The following DAZAP1 variants were observed in gnomAD, a reference collection of about 807,000 sequenced individuals.
DAZAP1 encodes the protein DAZ-associated protein 1.
In DAZAP1, 6 loss-of-function variants were observed where a neutral mutation model predicts 60.1. The observed-to-expected ratio is 0.10, with a 90% CI of 0.05 to 0.20. The LOEUF (loss-of-function observed/expected upper bound fraction) is 0.20. Among genes scored for constraint, DAZAP1 ranks in the 10% least tolerant of loss-of-function variants. The pLI is 1.00. For synonymous variants in DAZAP1, 235 were observed against 215.9 expected, an observed-to-expected ratio of 1.09 and a Z score of -0.78; for missense variants, 366 against 560.4, an observed-to-expected ratio of 0.65 and a Z score of 3.50.
chr19:1,413,660 C>T lies in DAZAP1; in HGVS notation c.30-3840C>T, dbSNP rs545179445. On this transcript the variant is annotated intron_variant, in intron 1 of 11. Transcript: ENST00000233078. Reference sequence around the variant, plus strand: ...TCAACAGAAACACACAGTGTGGCCGCGCGCGGTGCCTCACGCCTGTCATCC... The same window carrying T: ...TCAACAGAAACACACAGTGTGGCCGTGCGCGGTGCCTCACGCCTGTCATCC... Among the ~76,000 whole-genome samples, 7 of 152,294 alleles carry T rather than the reference C, an allele frequency of 4.6e-5. No homozygotes were observed. In the East Asian group the frequency reaches 9.7e-4, roughly 21 times the overall value.
At chr19:1,430,865 C>T (rs918362001) in intron 10 of DAZAP1, among the ~76,000 whole-genome samples, 3 of 151,512 alleles carry the variant, frequency 2.0e-5, no homozygotes, top group African/African-American at 4.9e-5. Context: ...GGACTACAGG[C>T]GCTCGCCACC....
chr19:1,424,738 G>A (rs1171166802), intron 6 of DAZAP1, among the ~76,000 whole-genome samples: 2 of 152,250 alleles, frequency 1.3e-5, no homozygotes, highest in Non-Finnish European at 1.5e-5. Flanking sequence ...CCTCTGGCGC[G>A]GGCAGCCCAT....
At position 1,418,460 on chromosome 19, in the gene DAZAP1, C is replaced by T. The variant is rs1005577265; in HGVS notation, c.237+90C>T. On this transcript the variant is annotated intron_variant, in intron 3 of 11. Transcript: ENST00000233078. This position sits in a 1 kb window ranked among gnomAD's most constrained non-coding sequence, Gnocchi z 5.7. ...TTTCCTGGACTCTGACCGATGTTTG[C>T]GTTAGAGTATGTTTGAACGTGGGGT... The T allele has an allele frequency of 8.6e-5, 130 of 1,517,618 alleles. No individual in the cohort carries two copies. The highest frequency in any genetic ancestry group is 1.8e-4 in the East Asian group (8 of 44,186). 94.0% of individuals were successfully genotyped at this position (1,517,618 alleles called of 1,614,324 possible).
rs1193872176 is a variant in DAZAP1 at position 1,432,808 on chromosome 19, G to A, written c.1048+118G>A. 3 of 1,189,636 alleles carry A rather than the reference G, an allele frequency of 2.5e-6. No individual in the cohort carries two copies. Among genetic ancestry groups the A allele is most frequent in the Non-Finnish European group, 3.5e-6 (3 of 849,968 alleles). 73.7% of individuals were successfully genotyped at this position (1,189,636 alleles called of 1,614,324 possible). ...CCAGCCTTTACCTGGTGGGAAAGGG[G>A]AGAGGGAGGAGAGGGGGGTGTGGGG... On this transcript the variant is annotated intron_variant, in intron 11 of 11. Transcript: ENST00000233078. The surrounding 1 kb of genome is among the most constrained non-coding windows in gnomAD (Gnocchi z 4.9).
chr19:1,409,945 C>G (rs2082778123), intron 1 of DAZAP1: 1 of 152,490 alleles, frequency 6.6e-6, no homozygotes, highest in South Asian at 2.1e-4. Context: ...TCCCGCCGGA[C>G]CCCGCTTGGA....
intron 1 of DAZAP1, among the ~76,000 whole-genome samples, chr19:1,412,020 T>C (rs1477819333): frequency 3.3e-5 from 5 of 152,208 alleles, no homozygotes; most frequent in African/African-American, 1.2e-4. Context: ...GCTTCCAGCT[T>C]GGCTCCAGGC....
At position 1,425,534 on chromosome 19, in the gene DAZAP1, C is replaced by T. The variant is rs1018617001; in HGVS notation, c.464-344C>T. Among the ~76,000 whole-genome samples the T allele has an allele frequency of 6.6e-6, 1 of 152,230 alleles. No homozygotes were observed. Among genetic ancestry groups the T allele is most frequent in the African/African-American group, 2.4e-5 (1 of 41,456 alleles). ...TTGTCTGCCAGTAGCGATGGAGGCC[C>T]TCACCGTTCCCCTGTCTCCGCTGCT... On this transcript the variant is annotated intron_variant, in intron 6 of 11. Transcript: ENST00000233078. This position sits in a 1 kb window ranked among gnomAD's most constrained non-coding sequence, Gnocchi z 5.4.
chr19:1,421,860 G>A (rs2083166043), intron 5 of DAZAP1, among the ~76,000 whole-genome samples: 1 of 152,240 alleles, frequency 6.6e-6, no homozygotes, highest in Admixed American at 6.5e-5. Context: ...GGTGCCACGG[G>A]CCTGGGCCAG....
rs1452609196 is a variant in DAZAP1 at position 1,426,276 on chromosome 19, G to A, written c.546+316G>A. On this transcript the variant is annotated intron_variant, in intron 7 of 11. Transcript: ENST00000233078. The surrounding 1 kb of genome is among the most constrained non-coding windows in gnomAD (Gnocchi z 5.4). Reference sequence around the variant, plus strand: ...GGGCTGGCTCCAGTGAAACCGCAGCGTTGCCTCAGGCTTGGTTTCCACGAC... The same window carrying A: ...GGGCTGGCTCCAGTGAAACCGCAGCATTGCCTCAGGCTTGGTTTCCACGAC... The A allele has an allele frequency of 5.2e-5, 19 of 368,826 alleles. No individual in the cohort carries two copies. Among genetic ancestry groups the A allele is most frequent in the Non-Finnish European group, 8.2e-5 (16 of 194,858 alleles). 22.8% of individuals were successfully genotyped at this position (368,826 alleles called of 1,614,324 possible).
intron 6 of DAZAP1, among the ~76,000 whole-genome samples, chr19:1,424,366 T>TC (rs2083252191): frequency 3.1e-5 from 1 of 32,310 alleles, no homozygotes; most frequent in Admixed American, 3.9e-4. Flanking sequence ...CCCTCCCCCC[T>TC]CCCCCTCCGT....
chr19:1,434,030 C>T lies in DAZAP1; in HGVS notation c.1049-707C>T. ...GCCCACGCCCACCTGTGCCCACGTGCACCCGAATGGGAACCCAGAGGTCGT... is the reference window on the plus strand; with the variant it reads ...GCCCACGCCCACCTGTGCCCACGTGTACCCGAATGGGAACCCAGAGGTCGT... On this transcript the variant is annotated intron_variant, in intron 11 of 11. Transcript: ENST00000233078. This position sits in a 1 kb window ranked among gnomAD's most constrained non-coding sequence, Gnocchi z 8.0. 1 of 591,220 alleles carries T rather than the reference C, an allele frequency of 1.7e-6. No individual in the cohort carries two copies. Among genetic ancestry groups the T allele is most frequent in the Non-Finnish European group, 3.0e-6 (1 of 332,752 alleles). 36.6% of individuals were successfully genotyped at this position (591,220 alleles called of 1,614,324 possible). A position where few individuals can be genotyped will look rare whatever the true frequency, so the allele number is the denominator to read the frequency against.
rs265280 is a variant in DAZAP1 at position 1,429,548 on chromosome 19, G to A, written c.701-419G>A. On this transcript the variant is annotated intron_variant, in intron 8 of 11. Transcript: ENST00000233078. Reference sequence around the variant, plus strand: ...TCAGGGTTCCAGATGTACGTCGTCCGGGTCCCGAGACTGTGGCTTCCCTGC... The same window carrying A: ...TCAGGGTTCCAGATGTACGTCGTCCAGGTCCCGAGACTGTGGCTTCCCTGC... Among the ~76,000 whole-genome samples the A allele has an allele frequency of 1.8e-3, 272 of 152,332 alleles. 2 individuals carry two copies. The highest frequency in any genetic ancestry group is 6.0e-3 in the African/African-American group (250 of 41,574).
rs1315877724 is a variant in DAZAP1, at chr19:1,407,590, G to A, written c.-184G>A. On this transcript the variant is annotated 5_prime_UTR_variant, in exon 1 of 12. Coordinates refer to ENST00000233078, the MANE Select transcript of DAZAP1 (RefSeq NM_018959.4). ...GCGGCGCGGCGGCGCGGGGACGCGC[G>A]GTGACCGTTGGCGCCGAGGGGAGGA... 3 of 308,978 alleles carry A rather than the reference G, an allele frequency of 9.7e-6. No individual in the cohort carries two copies. The East Asian group carries it at 5.0e-4, about 52-fold the overall frequency. 19.1% of individuals were successfully genotyped at this position (308,978 alleles called of 1,614,324 possible).
At chr19:1,410,498 C>G (rs1214098027) in intron 1 of DAZAP1, among the ~76,000 whole-genome samples, 1 of 152,208 alleles carries the variant, frequency 6.6e-6, no homozygotes, top group Admixed American at 6.5e-5. Flanking sequence ...CACGCGCGAT[C>G]AGGAAGGCCC....
chr19:1,434,645 A>C lies in DAZAP1; in HGVS notation c.1049-92A>C. 1 of 1,403,994 alleles carries C rather than the reference A, an allele frequency of 7.1e-7. No individual in the cohort carries two copies. The highest frequency in any genetic ancestry group is 9.9e-7 in the Non-Finnish European group (1 of 1,012,776). 87.0% of individuals were successfully genotyped at this position (1,403,994 alleles called of 1,614,324 possible). On this transcript the variant is annotated intron_variant, in intron 11 of 11. Transcript: ENST00000233078. This position sits in a 1 kb window ranked among gnomAD's most constrained non-coding sequence, Gnocchi z 8.0. ...CCCGTGGGACCCGTGGACTCAAGGC[A>C]GGCTCGGCGGAGCTGTGTCCAGGTG...
rs1357577986 is a variant in DAZAP1 at position 1,425,789 on chromosome 19, G to A, written c.464-89G>A. 31 of 954,056 alleles carry A rather than the reference G, an allele frequency of 3.2e-5. 1 individual carries two copies. Among genetic ancestry groups the A allele is most frequent in the Non-Finnish European group, 3.3e-5 (19 of 581,704 alleles). 59.1% of individuals were successfully genotyped at this position (954,056 alleles called of 1,614,324 possible). On this transcript the variant is annotated intron_variant, in intron 6 of 11. Coordinates refer to ENST00000233078, the MANE Select transcript of DAZAP1 (RefSeq NM_018959.4). This position sits in a 1 kb window ranked among gnomAD's most constrained non-coding sequence, Gnocchi z 5.4. The stretch of plus-strand genomic sequence containing the variant: ...CACAGCTTAGCTGAAACCCAAGGTC[G>A]ATCCCTCGGCCCGTCCCTAATACTG...
chr19:1,417,130 G>T, intron 1 of DAZAP1: 4 of 259,982 alleles, frequency 1.5e-5, no homozygotes, highest in Non-Finnish European at 1.5e-5. Context: ...TCTTTTTCCT[G>T]ATTATAAAAT....
At position 1,432,891 on chromosome 19, in the gene DAZAP1, G is replaced by C; in HGVS notation, c.1048+201G>C. The C allele has an allele frequency of 3.3e-6, 2 of 601,488 alleles. No homozygotes were observed. The highest frequency in any genetic ancestry group is 5.8e-6 in the Non-Finnish European group (2 of 345,190). 37.3% of individuals were successfully genotyped at this position (601,488 alleles called of 1,614,324 possible). ...CAGCAGAAGGGAGCGTGGGAGTCTT[G>C]TCGCAGCAGAGCACTCGTCATACAG... On this transcript the variant is annotated intron_variant, in intron 11 of 11. Coordinates refer to ENST00000233078, the MANE Select transcript of DAZAP1 (RefSeq NM_018959.4). The surrounding 1 kb of genome is among the most constrained non-coding windows in gnomAD (Gnocchi z 4.9).
In DAZAP1 at chr19:1,418,436, T is replaced by C. The variant is rs535025623; in HGVS notation, c.237+66T>C. On this transcript the variant is annotated intron_variant, in intron 3 of 11. Coordinates refer to ENST00000233078, the MANE Select transcript of DAZAP1 (RefSeq NM_018959.4). This position sits in a 1 kb window ranked among gnomAD's most constrained non-coding sequence, Gnocchi z 5.7. ...CCCTGTCCTTCCTCTGCTTCATTTTTTCCTGGACTCTGACCGATGTTTGCG... is the reference window on the plus strand; with the variant it reads ...CCCTGTCCTTCCTCTGCTTCATTTTCTCCTGGACTCTGACCGATGTTTGCG... 8.2e-6 allele frequency: 13 copies of C among 1,579,098 alleles called. No individual in the cohort carries two copies. Among genetic ancestry groups the C allele is most frequent in the African/African-American group, 1.3e-5 (1 of 74,204 alleles).
Sources: gnomAD v4.1 joint callset for allele counts (sites outside exome capture counted in the v4.1 genomes callset) on GRCh38, gnomAD v4.1.1 for gene constraint, Gnocchi (gnomAD v3.1) non-coding constraint, MANE v1.5 for transcripts, NCBI Gene and HGNC (gene_info 2026-07-23, HGNC 2026-07-21) for gene names.